Variants in NEU3 observed in about 807,000 individuals in gnomAD.
NEU3 encodes the protein sialidase-3.
NEU3 carries 10 observed loss-of-function variants against 11.4 expected under a neutral mutation model. The observed-to-expected ratio is 0.88, with a 90% CI of 0.54 to 1.49. NEU3 has a LOEUF of 1.49. Ranked by LOEUF, NEU3 falls within the 40% of genes most tolerant of loss-of-function variation. The pLI is 0.00. For synonymous variants in NEU3, 212 were observed against 228.2 expected, an observed-to-expected ratio of 0.93 and a Z score of 0.64; for missense variants, 529 against 581.8, an observed-to-expected ratio of 0.91 and a Z score of 0.93.
chr11:74,989,282 G>A (rs962804529), intron 1 of NEU3, 128 bp downstream of exon 1: 1 of 726,116 alleles, frequency 1.4e-6, no homozygotes, highest in African/African-American at 1.8e-5. Flanking sequence ...TAGTCGGCTA[G>A]GATCTGACCT....
Position 74,989,125 on chromosome 11 carries a change from C to A in NEU3, c.65C>A (p.Thr22Lys). 1 of 1,551,222 alleles carries A rather than the reference C, an allele frequency of 6.4e-7. No individual in the cohort carries two copies. Among genetic ancestry groups the A allele is most frequent in the Non-Finnish European group, 8.7e-7 (1 of 1,146,944 alleles). The change falls in exon 1 of 3, where the codon ACA becomes AAA. Residue 22 changes from threonine to lysine, a missense_variant. Transcript: ENST00000294064. Reference protein sequence around the residue: ...EESPASSSAPTETEEPGSSAE... With the variant: ...EESPASSSAPKETEEPGSSAE... ...TCCCCGGCGTCCAGCTCTGCCCCGA[C>A]AGAGACGGAGGAGCCGGGGTCCAGT...
At chr11:75,003,057 G>A (rs770687081) in intron 2 of NEU3, among the ~76,000 whole-genome samples, 3 of 152,162 alleles carry the variant, frequency 2.0e-5, no homozygotes, top group Non-Finnish European at 2.9e-5. Context: ...CATACATTTT[G>A]TTGGGTATGT....
intron 2 of NEU3, among the ~76,000 whole-genome samples, chr11:75,004,929 T>C (rs1190580739): frequency 6.6e-6 from 1 of 152,088 alleles, no homozygotes; most frequent in East Asian, 1.9e-4. Context: ...TTTCTTTTTT[T>C]TTTCTTTCTT....
chr11:74,994,767 C>T (rs1422202885), intron 2 of NEU3, 47 bp downstream of exon 2: 2 of 1,525,066 alleles, frequency 1.3e-6, no homozygotes, highest in African/African-American at 1.4e-5. Flanking sequence ...TTTCTCTTCA[C>T]AAAGCTCAGA....
chr11:74,990,589 A>G (rs1330822305), intron 1 of NEU3, among the ~76,000 whole-genome samples: 1 of 151,990 alleles, frequency 6.6e-6, no homozygotes, highest in Non-Finnish European at 1.5e-5. Context: ...CGAACTCCTG[A>G]CCTCAAGTGA....
intron 3 of NEU3, among the ~76,000 whole-genome samples, chr11:75,018,150 G>A (rs556959914): frequency 6.6e-6 from 1 of 151,562 alleles, no homozygotes; most frequent in East Asian, 1.9e-4. Flanking sequence ...TTCTTCCTCA[G>A]TAAAGTGGGC....
intron 1 of NEU3, among the ~76,000 whole-genome samples, chr11:74,990,669 C>T (rs1198082049): frequency 1.3e-5 from 2 of 152,096 alleles, no homozygotes; most frequent in Non-Finnish European, 2.9e-5. Context: ...CTCTTCCTTT[C>T]CTGTTCTGAG....
chr11:74,993,202 GT>G (rs1446345083), intron 1 of NEU3, among the ~76,000 whole-genome samples: 1 of 152,004 alleles, frequency 6.6e-6, no homozygotes, highest in East Asian at 1.9e-4. Context: ...CGTTGTTGGT[GT>G]TTTTTTGTTT....
intron 2 of NEU3, among the ~76,000 whole-genome samples, chr11:74,999,147 C>G (rs566237863): frequency 2.0e-5 from 3 of 152,300 alleles, no homozygotes; most frequent in African/African-American, 7.2e-5. Context: ...GTCTGTCTGT[C>G]TGTCTAGAGA....
upstream of NEU3, among the ~76,000 whole-genome samples, chr11:74,985,474 T>A (rs1463226717): frequency 6.6e-6 from 1 of 152,202 alleles, no homozygotes; most frequent in African/African-American, 2.4e-5. Context: ...TTTAATTTTA[T>A]TTTTACCTCC....
At chr11:74,984,478 A>G (rs186758649), upstream of NEU3, among the ~76,000 whole-genome samples, 1 of 152,268 alleles carries the variant, frequency 6.6e-6, no homozygotes, top group South Asian at 2.1e-4. Context: ...GTAACAAACT[A>G]TCCTTTTTAC....
chr11:75,004,373 G>C (rs11236283), intron 2 of NEU3: 7,372 of 608,100 alleles, frequency 0.012, 53 homozygotes, highest in Non-Finnish European at 0.017. Flanking sequence ...TAAAGTGCTG[G>C]GATTACAGCA....
At chr11:74,991,859 T>A (rs1477928973) in intron 1 of NEU3, among the ~76,000 whole-genome samples, 1 of 152,238 alleles carries the variant, frequency 6.6e-6, no homozygotes, top group Non-Finnish European at 1.5e-5. Context: ...CAAAAATTTG[T>A]TGAGTGCCTA....
chr11:75,006,699 G>C lies in NEU3; in HGVS notation c.*207G>C, dbSNP rs1948903840. 1.8e-6 allele frequency: 1 copy of C among 571,328 alleles called. No homozygotes were observed. The highest frequency in any genetic ancestry group is 1.9e-5 in the African/African-American group (1 of 53,180). 35.4% of individuals were successfully genotyped at this position (571,328 alleles called of 1,614,324 possible). ...ACTAGGAGTTGGAAGACAAGGATGTGGTCCTGGCTCTGCCACTGGCTTGCT... is the reference window on the plus strand; with the variant it reads ...ACTAGGAGTTGGAAGACAAGGATGTCGTCCTGGCTCTGCCACTGGCTTGCT... On this transcript the variant is annotated 3_prime_UTR_variant, in exon 3 of 3. Coordinates refer to ENST00000294064, the MANE Select transcript of NEU3 (RefSeq NM_006656.6).
At chr11:75,001,589 TG>T (rs1288849093) in intron 2 of NEU3, among the ~76,000 whole-genome samples, 1 of 152,184 alleles carries the variant, frequency 6.6e-6, no homozygotes, top group East Asian at 1.9e-4. Flanking sequence ...GGCCTACATT[TG>T]TTCTTTAATC....
chr11:74,987,552 G>T (rs534190814), upstream of NEU3, among the ~76,000 whole-genome samples: 1 of 152,060 alleles, frequency 6.6e-6, no homozygotes, highest in Non-Finnish European at 1.5e-5. Flanking sequence ...GGTGGCTCAC[G>T]CCTGTAATCC....
chr11:75,003,267 A>C (rs770310672), intron 2 of NEU3, among the ~76,000 whole-genome samples: 7 of 152,172 alleles, frequency 4.6e-5, no homozygotes, highest in Non-Finnish European at 8.8e-5. Flanking sequence ...CTTCTGCTCC[A>C]TAAGGTTGTC....
chr11:74,994,821 C>A (rs1591754524), intron 2 of NEU3, 101 bp downstream of exon 2: 1 of 1,121,742 alleles, frequency 8.9e-7, no homozygotes, highest in East Asian at 2.5e-5. Context: ...CAGGAAAGCC[C>A]TGTGTGGGGA....
rs201771316 is a variant in NEU3, at chr11:75,001,940, C to G, written c.307-3473C>G. ...GGCTGTCCCAGAGATCTTGAATTCC[C>G]TGTTGAACTAGCTTAGTTCAAGGAC... On this transcript the variant is annotated intron_variant, in intron 2 of 2. Coordinates refer to ENST00000294064, the MANE Select transcript of NEU3 (RefSeq NM_006656.6). Among the ~76,000 whole-genome samples, 5 of 152,310 alleles carry G rather than the reference C, an allele frequency of 3.3e-5. No individual in the cohort carries two copies. The East Asian group carries it at 9.6e-4, about 29-fold the overall frequency.
Sources: allele counts gnomAD v4.1 joint callset (sites outside exome capture counted in the v4.1 genomes callset), GRCh38; gene constraint gnomAD v4.1.1; transcripts MANE v1.5; gene names NCBI Gene and HGNC (gene_info 2026-07-23, HGNC 2026-07-21).